The following COL5A1 variants were observed in gnomAD, a reference collection of about 807,000 sequenced individuals.
COL5A1 encodes collagen type V alpha 1 chain, also known as collagen alpha-1(V) chain.
A neutral mutation model predicts 263.7 loss-of-function variants in COL5A1; 16 were observed. That is an observed-to-expected ratio of 0.06 (90% confidence interval 0.04 to 0.09). COL5A1 has a LOEUF of 0.09. COL5A1 is among the 10% of genes least tolerant of loss of function. The pLI, the probability that COL5A1 is intolerant of heterozygous loss-of-function variation, is 1.00. For missense variants in COL5A1, 2,036 were observed against 2,540.5 expected (o/e 0.80, Z 4.27); for synonymous variants, 1,012 against 1,004.5 (o/e 1.01, Z -0.14).
chr9:134,713,875 T>G (rs986082234), intron 4 of COL5A1, among the ~76,000 whole-genome samples: 6 of 152,090 alleles, frequency 3.9e-5, no homozygotes, highest in Admixed American at 1.3e-4. Context: ...GGCCCCAGTG[T>G]GGGGTCTTGT....
At chr9:134,664,880 G>C (rs1027329570) in intron 1 of COL5A1, among the ~76,000 whole-genome samples, 2 of 152,180 alleles carry the variant, frequency 1.3e-5, no homozygotes, top group Non-Finnish European at 2.9e-5. Context: ...TGGCCAACAT[G>C]ATGAAACTCC....
chr9:134,789,284 C>A lies in COL5A1; in HGVS notation c.2700+76C>A. ...CCTAGCAAGTTGGTTCTCCAGCCGA[C>A]GGCCTGTTTATTTCTCACTCTCTTG... On this transcript the variant is annotated intron_variant, in intron 32 of 65. Coordinates refer to ENST00000371817, the MANE Select transcript of COL5A1 (RefSeq NM_000093.5). The surrounding 1 kb of genome is among the most constrained non-coding windows in gnomAD (Gnocchi z 4.8). The A allele has an allele frequency of 8.1e-7, 1 of 1,232,874 alleles. No individual in the cohort carries two copies. Among genetic ancestry groups the A allele is most frequent in the Non-Finnish European group, 1.2e-6 (1 of 845,712 alleles). 76.4% of individuals were successfully genotyped at this position (1,232,874 alleles called of 1,614,324 possible).
intron 35 of COL5A1, 36 bp from the exon 36 acceptor site, chr9:134,796,812 C>A (rs756342555): frequency 6.2e-7 from 1 of 1,603,668 alleles, no homozygotes; most frequent in South Asian, 1.1e-5. Flanking sequence ...TCGGGAGAGA[C>A]CTCTTGTCCT....
chr9:134,821,748 C>T lies in COL5A1; in HGVS notation c.4555-349C>T, dbSNP rs1311640185. 6.6e-6 allele frequency among the ~76,000 whole-genome samples: 1 copy of T among 152,234 alleles called. No homozygotes were observed. Among genetic ancestry groups the T allele is most frequent in the Non-Finnish European group, 1.5e-5 (1 of 68,044 alleles). On this transcript the variant is annotated intron_variant, in intron 58 of 65. Coordinates refer to ENST00000371817, the MANE Select transcript of COL5A1 (RefSeq NM_000093.5). The surrounding 1 kb of genome is among the most constrained non-coding windows in gnomAD (Gnocchi z 4.2). ...AGGAAACAGCAAGAGGGGCCCAAGCCAGGGCCACAATGTCAGGGCAGTGGT... is the reference window on the plus strand; with the variant it reads ...AGGAAACAGCAAGAGGGGCCCAAGCTAGGGCCACAATGTCAGGGCAGTGGT...
chr9:134,690,803 G>A, intron 1 of COL5A1, 109 bp from the exon 2 acceptor site: 5 of 1,358,512 alleles, frequency 3.7e-6, no homozygotes, highest in South Asian at 2.4e-5. Context: ...GAGTGCCCAG[G>A]ATTCACAGTG....
At chr9:134,783,779 G>T (rs1837350614) in intron 29 of COL5A1, among the ~76,000 whole-genome samples, 1 of 152,210 alleles carries the variant, frequency 6.6e-6, no homozygotes, top group South Asian at 2.1e-4. Flanking sequence ...GGGATCTCTT[G>T]CGCAATGTTG....
rs569486021 is a variant in COL5A1 at position 134,790,477 on chromosome 9, C to A, written c.2700+1269C>A. 6.8e-4 allele frequency among the ~76,000 whole-genome samples: 56 copies of A among 82,314 alleles called. 1 individual carries two copies. The highest frequency in any genetic ancestry group is 2.9e-3 in the African/African-American group (49 of 17,048). 54.0% of individuals were successfully genotyped at this position (82,314 alleles called of 152,430 possible). ...ACCCATCCATCCAGCCACCCACCCA[C>A]CCATCCACCCATCCACCCACCCACC... On this transcript the variant is annotated intron_variant, in intron 32 of 65. Coordinates refer to ENST00000371817, the MANE Select transcript of COL5A1 (RefSeq NM_000093.5).
At chr9:134,774,704 C>T (rs1172891955) in intron 26 of COL5A1, among the ~76,000 whole-genome samples, 155 bp from the exon 27 acceptor site, 5 of 152,198 alleles carry the variant, frequency 3.3e-5, no homozygotes, top group Non-Finnish European at 5.9e-5. Context: ...AACACCTGTG[C>T]GAGTCTCCCA....
intron 1 of COL5A1, among the ~76,000 whole-genome samples, chr9:134,666,811 T>G (rs565135058): frequency 2.6e-5 from 4 of 152,322 alleles, no homozygotes; most frequent in African/African-American, 9.6e-5. Context: ...GGGAGTAGAC[T>G]CTTTGGGACT....
Position 134,700,421 on chromosome 9 carries a change from A to G in COL5A1, c.491+299A>G, listed in dbSNP as rs1389546136. Among the ~76,000 whole-genome samples, 1 of 152,184 alleles carries G rather than the reference A, an allele frequency of 6.6e-6. No homozygotes were observed. Among genetic ancestry groups the G allele is most frequent in the Non-Finnish European group, 1.5e-5 (1 of 68,034 alleles). ...CTGTTTGTGTCAGAAGGGACACAGG[A>G]AATTGTGAGGTTATACCCAACCTTT... On this transcript the variant is annotated intron_variant, in intron 3 of 65. Transcript: ENST00000371817. The surrounding 1 kb of genome is among the most constrained non-coding windows in gnomAD (Gnocchi z 4.0).
In COL5A1 at chr9:134,824,166, T is replaced by C. The variant is rs966720269; in HGVS notation, c.4699-434T>C. Among the ~76,000 whole-genome samples the C allele has an allele frequency of 6.6e-5, 10 of 152,316 alleles. No homozygotes were observed. The East Asian group carries it at 1.9e-3, about 29-fold the overall frequency. On this transcript the variant is annotated intron_variant, in intron 61 of 65. Coordinates refer to ENST00000371817, the MANE Select transcript of COL5A1 (RefSeq NM_000093.5). ...CCAACTCCCATCGTCATCTTAGCTG[T>C]GGCCTTCTGGAAGTGAATGGCTCTT... is the stretch of plus-strand genomic sequence containing the variant.
At chr9:134,708,501 C>T (rs1371036649) in intron 4 of COL5A1, 5 of 491,340 alleles carry the variant, frequency 1.0e-5, no homozygotes, top group South Asian at 5.9e-5. Context: ...CGCATCTACC[C>T]AGCCCTGCTG....
At chr9:134,763,467 C>T (rs1371156518) in intron 19 of COL5A1, among the ~76,000 whole-genome samples, 1 of 152,230 alleles carries the variant, frequency 6.6e-6, no homozygotes, top group Non-Finnish European at 1.5e-5. Flanking sequence ...ATGTGAGCTC[C>T]TGAGCCGGCA....
At chr9:134,756,627 C>A in intron 16 of COL5A1, 138 bp from the exon 17 acceptor site, 2 of 933,346 alleles carry the variant, frequency 2.1e-6, no homozygotes, top group Non-Finnish European at 3.5e-6. Context: ...CGCAGCAGCC[C>A]GGCCACTCGG....
intron 21 of COL5A1, 124 bp from the exon 22 acceptor site, chr9:134,766,330 G>A: frequency 1.1e-6 from 1 of 909,804 alleles, no homozygotes; most frequent in South Asian, 1.4e-5. Flanking sequence ...TCCCCAGAGA[G>A]CATCCCGTCC....
chr9:134,746,800 T>G lies in COL5A1; in HGVS notation c.1495-3742T>G, dbSNP rs1835529194. Among the ~76,000 whole-genome samples the G allele has an allele frequency of 3.3e-5, 5 of 152,256 alleles. 1 individual carries two copies. The highest frequency in any genetic ancestry group is 3.3e-4 in the Admixed American group (5 of 15,290). On this transcript the variant is annotated intron_variant, in intron 11 of 65. Transcript: ENST00000371817. The stretch of plus-strand genomic sequence containing the variant: ...ATAGCAAAGGCAAGGTGGGATTTCT[T>G]ATTTTGCCATATTTTGCCTGTGGCT...
In COL5A1 at chr9:134,782,422, C is replaced by T. The variant is rs1837291386; in HGVS notation, c.2431-245C>T. On this transcript the variant is annotated intron_variant, in intron 28 of 65. Transcript: ENST00000371817. ...GCCATGCAGAACATTCAGATTCAAA[C>T]TGGGCCTGCCCAAGAAGCAGGGACG... 1.5e-5 allele frequency: 9 copies of T among 601,654 alleles called. No individual in the cohort carries two copies. In the South Asian group the frequency reaches 1.7e-4, roughly 11 times the overall value. The allele number at this position is 601,654 out of a possible 1,614,324, so 37.3% of individuals were successfully genotyped here.
intron 65 of COL5A1, among the ~76,000 whole-genome samples, chr9:134,839,183 C>A (rs1055473851): frequency 6.6e-6 from 1 of 152,208 alleles, no homozygotes; most frequent in African/African-American, 2.4e-5. Context: ...GCTGAGCGGG[C>A]CCAGTGGAGA....
At chr9:134,701,789 G>A (rs1255145206) in intron 4 of COL5A1, among the ~76,000 whole-genome samples, 2 of 152,216 alleles carry the variant, frequency 1.3e-5, no homozygotes, top group African/African-American at 4.8e-5. Context: ...GACCCAACTC[G>A]GGCTGGCCTC....
Sources: allele counts gnomAD v4.1 joint callset (sites outside exome capture counted in the v4.1 genomes callset), GRCh38; gene constraint gnomAD v4.1.1; non-coding constraint Gnocchi (gnomAD v3.1); transcripts MANE v1.5; gene names NCBI Gene and HGNC (gene_info 2026-07-23, HGNC 2026-07-21).